SLC47A1: variants seen among roughly 807,000 people sequenced by gnomAD.
SLC47A1 encodes the protein solute carrier family 47 member 1.
SLC47A1 carries 58 observed loss-of-function variants against 65.8 expected under a neutral mutation model. That is an observed-to-expected ratio of 0.88 (90% CI 0.71 to 1.10). The LOEUF (loss-of-function observed/expected upper bound fraction) is 1.10, where lower values mean the gene tolerates loss of function less well. SLC47A1 is among the 50% of genes least tolerant of loss of function. SLC47A1 has a pLI of 0.00. For missense variants in SLC47A1, 706 were observed against 719.2 expected, an observed-to-expected ratio of 0.98 and a Z score of 0.21; for synonymous variants, 285 against 295.0, an observed-to-expected ratio of 0.97 and a Z score of 0.35.
chr17:19,570,738 G>T (rs1182957372), intron 14 of SLC47A1: 1 of 152,338 alleles, frequency 6.6e-6, no homozygotes, highest in Non-Finnish European at 1.5e-5. Flanking sequence ...GCTGCAGGTT[G>T]TGAGGCAGAG....
chr17:19,572,691 A>C (rs1182061479), intron 15 of SLC47A1, 89 bp from the exon 16 acceptor site: 2 of 1,204,468 alleles, frequency 1.7e-6, no homozygotes, highest in African/African-American at 1.5e-5. Flanking sequence ...ATTAAGGAAA[A>C]TGGCTTGGCT....
In SLC47A1 at chr17:19,565,419, A is replaced by G. The variant is rs182425197; in HGVS notation, c.1107-1371A>G. On this transcript the variant is annotated intron_variant, in intron 12 of 16. Transcript: ENST00000270570. The stretch of plus-strand genomic sequence containing the variant: ...ATGATAGGTGCGTGCCACTGTGCCC[A>G]GCCAAACTTCTTTTCAGCTGATGGG... 3.8e-3 allele frequency among the ~76,000 whole-genome samples: 576 copies of G among 152,202 alleles called. 2 individuals carry two copies. Among genetic ancestry groups the G allele is most frequent in the African/African-American group, 0.013 (548 of 41,526 alleles).
intron 6 of SLC47A1, among the ~76,000 whole-genome samples, chr17:19,553,065 C>G (rs1026594099): frequency 1.1e-4 from 16 of 151,960 alleles, no homozygotes; most frequent in African/African-American, 3.9e-4. Flanking sequence ...TTGTTGGGCC[C>G]CCAGGGTGGA....
chr17:19,565,938 C>T (rs184871109), intron 12 of SLC47A1, among the ~76,000 whole-genome samples: 1 of 152,252 alleles, frequency 6.6e-6, no homozygotes, highest in African/African-American at 2.4e-5. Context: ...TTTTCAATTG[C>T]GTGCGGTTAT....
rs1411867998 is a variant in SLC47A1, at chr17:19,549,635, G to T, written c.456G>T (p.Arg152Ser). Reference protein sequence around the residue: ...LLFRQDPDVSRLTQTYVTIFI... With the variant: ...LLFRQDPDVSSLTQTYVTIFI... ...TTTTCTTTTTCTTTTCGTTATTTAG[G>T]CTTACCCAGACCTATGTCACGATCT... The change falls in exon 5 of 17, where the codon AGG (arginine) becomes AGT (serine). Residue 152 changes from arginine (R) to serine (S), a missense_variant and splice_region_variant. By Grantham distance (110) the Arg-to-Ser change is moderately radical (BLOSUM62 -1). Coordinates refer to ENST00000270570, the MANE Select transcript of SLC47A1 (RefSeq NM_018242.3). 1 of 1,613,994 alleles carries T rather than the reference G, an allele frequency of 6.2e-7. No individual in the cohort carries two copies. The highest frequency in any genetic ancestry group is 1.7e-5 in the Admixed American group (1 of 60,004).
intron 1 of SLC47A1, among the ~76,000 whole-genome samples, chr17:19,536,042 C>T (rs997264452): frequency 3.9e-5 from 6 of 152,034 alleles, no homozygotes; most frequent in African/African-American, 1.4e-4. Flanking sequence ...TCACAGCTCA[C>T]TGCAGCCTCA....
rs575151262 is a variant in SLC47A1 at position 19,572,675 on chromosome 17, A to G, written c.1405-105A>G. ...TGAATGAGAGGAACTTCAGCTATAC[A>G]TGCCAATTAAGGAAAATGGCTTGGC... On this transcript the variant is annotated intron_variant, in intron 15 of 16. Coordinates refer to ENST00000270570, the MANE Select transcript of SLC47A1 (RefSeq NM_018242.3). The G allele has an allele frequency of 1.9e-5, 19 of 987,316 alleles. No homozygotes were observed. In the African/African-American group the frequency reaches 2.2e-4, roughly 12 times the overall value. 61.2% of individuals were successfully genotyped at this position (987,316 alleles called of 1,614,324 possible). A position where few individuals can be genotyped will look rare whatever the true frequency, so the allele number is the denominator to read the frequency against.
intron 1 of SLC47A1, among the ~76,000 whole-genome samples, chr17:19,538,218 C>T (rs2018675): frequency 0.36 from 54,765 of 152,144 alleles, 10,272 homozygotes; most frequent in East Asian, 0.56. Flanking sequence ...GTAATAGCTG[C>T]CTTCTTTTCC....
At chr17:19,555,461 G>A (rs1016056670) in intron 7 of SLC47A1, 132 bp from the exon 8 acceptor site, 22 of 1,288,122 alleles carry the variant, frequency 1.7e-5, no homozygotes, top group Non-Finnish European at 2.5e-5. Flanking sequence ...GATGGAGGGT[G>A]AGGCTGCTCT....
chr17:19,551,569 G>A lies in SLC47A1; in HGVS notation c.543+101G>A. 3 of 1,034,022 alleles carry A rather than the reference G, an allele frequency of 2.9e-6. No homozygotes were observed. In the East Asian group the frequency reaches 7.1e-5, roughly 25 times the overall value. The allele number at this position is 1,034,022 out of a possible 1,614,324, so 64.1% of individuals were successfully genotyped here. ...ACTCCAGGACCAGGGACCCCAGGGT[G>A]GAGGGAGCTCACTGCTGGGAGCCAC... On this transcript the variant is annotated intron_variant, in intron 6 of 16. Transcript: ENST00000270570.
intron 12 of SLC47A1, among the ~76,000 whole-genome samples, chr17:19,563,462 C>A (rs1406219079): frequency 6.6e-6 from 1 of 151,874 alleles, no homozygotes; most frequent in Non-Finnish European, 1.5e-5. Flanking sequence ...TCAAAAAGCA[C>A]AATCCCAGAA....
intron 1 of SLC47A1, chr17:19,534,375 C>T: frequency 3.0e-6 from 1 of 338,166 alleles, no homozygotes; most frequent in Non-Finnish European, 5.4e-6. Flanking sequence ...CGCCAGGAGA[C>T]ACCGGAGAGC....
At position 19,577,940 on chromosome 17, in the gene SLC47A1, G is replaced by C. The variant is rs944036081; in HGVS notation, c.*387G>C. 1.6e-6 allele frequency: 2 copies of C among 1,272,204 alleles called. No homozygotes were observed. Among genetic ancestry groups the C allele is most frequent in the African/African-American group, 3.1e-5 (2 of 64,724 alleles). The allele number at this position is 1,272,204 out of a possible 1,614,324, so 78.8% of individuals were successfully genotyped here. On this transcript the variant is annotated 3_prime_UTR_variant, in exon 17 of 17. Transcript: ENST00000270570. Reference sequence around the variant, plus strand: ...TATTTTACAGTATATCTTTCCTTGGGCCTTAGATTACTATTCACTGGGCAA... The same window carrying C: ...TATTTTACAGTATATCTTTCCTTGGCCCTTAGATTACTATTCACTGGGCAA...
intron 12 of SLC47A1, among the ~76,000 whole-genome samples, chr17:19,561,526 C>T (rs190584987): frequency 0.013 from 1,900 of 151,636 alleles, 29 homozygotes; most frequent in Middle Eastern, 0.024. Context: ...GCCTGTAGTC[C>T]CAGCTACTTG....
At chr17:19,542,933 A>G (rs1787390309) in intron 2 of SLC47A1, among the ~76,000 whole-genome samples, 1 of 151,064 alleles carries the variant, frequency 6.6e-6, no homozygotes, top group Non-Finnish European at 1.5e-5. Flanking sequence ...CTGGGGTTAC[A>G]GGCGTGCGCC....
At chr17:19,546,186 C>T (rs912273541) in intron 2 of SLC47A1, among the ~76,000 whole-genome samples, 1 of 152,112 alleles carries the variant, frequency 6.6e-6, no homozygotes, top group Non-Finnish European at 1.5e-5. Flanking sequence ...CGCCACTGCA[C>T]TCCAGCCTGG....
At chr17:19,546,739 A>G (rs931429486) in intron 3 of SLC47A1, among the ~76,000 whole-genome samples, 1 of 152,134 alleles carries the variant, frequency 6.6e-6, no homozygotes, top group Non-Finnish European at 1.5e-5. Flanking sequence ...AATAGGGGAC[A>G]TTTTGTAAAA....
chr17:19,538,180 G>T (rs1916046568), intron 1 of SLC47A1, among the ~76,000 whole-genome samples: 2 of 152,244 alleles, frequency 1.3e-5, no homozygotes, highest in South Asian at 2.1e-4. Context: ...CCCCGTGCTG[G>T]CCAATTATCT....
At chr17:19,540,360 C>G (rs1272195244) in intron 1 of SLC47A1, among the ~76,000 whole-genome samples, 2 of 152,186 alleles carry the variant, frequency 1.3e-5, no homozygotes, top group Non-Finnish European at 2.9e-5. Context: ...AAGACAGATT[C>G]TGTGAACACA....
Sources: allele counts gnomAD v4.1 joint callset (sites outside exome capture counted in the v4.1 genomes callset), GRCh38; gene constraint gnomAD v4.1.1; transcripts MANE v1.5; gene names NCBI Gene and HGNC (gene_info 2026-07-23, HGNC 2026-07-21).